Variants in KSR1 observed in about 807,000 individuals in gnomAD.
KSR1 encodes kinase suppressor of ras.
Under a neutral mutation model 92.9 loss-of-function variants are expected in KSR1, and 35 were observed. The observed-to-expected ratio is 0.38, with a 90% CI of 0.29 to 0.50. KSR1 has a LOEUF of 0.50. KSR1 is among the 20% of genes least tolerant of loss of function. KSR1 has a pLI of 0.94. For synonymous variants in KSR1, 467 were observed against 472.6 expected (o/e 0.99, Z 0.15); for missense variants, 972 against 1,158.5 (o/e 0.84, Z 2.34).
chr17:27,526,410 G>A lies in KSR1; in HGVS notation c.232-24158G>A, dbSNP rs2070301092. ...CTTAGGGTGAATTGGGAAAGGGCCG[G>A]TTAAATGAGGAAGCAGGCCATTCCT... On this transcript the variant is annotated intron_variant, in intron 1 of 20. Coordinates refer to ENST00000644974, the MANE Select transcript of KSR1 (RefSeq NM_001394583.1). 11 of 1,527,192 alleles carry A rather than the reference G, an allele frequency of 7.2e-6. No homozygotes were observed. The East Asian group carries it at 2.5e-4, about 34-fold the overall frequency. 94.6% of individuals were successfully genotyped at this position (1,527,192 alleles called of 1,614,324 possible).
At chr17:27,604,640 G>A in intron 12 of KSR1, 40 bp from the exon 13 acceptor site, 1 of 1,599,696 alleles carries the variant, frequency 6.3e-7, no homozygotes, top group South Asian at 1.1e-5. Flanking sequence ...GCAGAGCGGT[G>A]TTCCTCAAGG....
intron 2 of KSR1, among the ~76,000 whole-genome samples, chr17:27,572,409 TGTA>T (rs2072345623): frequency 6.6e-6 from 1 of 152,222 alleles, no homozygotes; most frequent in Admixed American, 6.5e-5. Context: ...GTTTTTGGTT[TGTA>T]GTTCCATATT....
At chr17:27,474,421 C>T (rs2068278292) in intron 1 of KSR1, among the ~76,000 whole-genome samples, 1 of 152,214 alleles carries the variant, frequency 6.6e-6, no homozygotes, top group Non-Finnish European at 1.5e-5. Flanking sequence ...TGAGCAGCAC[C>T]TCATGCTGTG....
At chr17:27,547,033 A>G (rs1229601574) in intron 1 of KSR1, among the ~76,000 whole-genome samples, 2 of 152,040 alleles carry the variant, frequency 1.3e-5, no homozygotes, top group Non-Finnish European at 2.9e-5. Flanking sequence ...TACAGTTGAG[A>G]GTGTGGAATT....
intron 1 of KSR1, among the ~76,000 whole-genome samples, chr17:27,464,547 C>A (rs1047564271): frequency 6.6e-6 from 1 of 151,812 alleles, no homozygotes; most frequent in African/African-American, 2.4e-5. Flanking sequence ...ATAGTGAGAC[C>A]CTGTCTCTAC....
chr17:27,581,419 G>T (rs1183648387), intron 3 of KSR1, among the ~76,000 whole-genome samples: 1 of 151,976 alleles, frequency 6.6e-6, no homozygotes, highest in Non-Finnish European at 1.5e-5. Flanking sequence ...TTCATCCCTT[G>T]CCTCTCCCCA....
intron 11 of KSR1, among the ~76,000 whole-genome samples, chr17:27,603,465 C>A (rs1301685433): frequency 6.6e-6 from 1 of 152,252 alleles, no homozygotes; most frequent in Non-Finnish European, 1.5e-5. Flanking sequence ...CTTTAGCCAG[C>A]CTGTCCAGTA....
intron 9 of KSR1, 27 bp downstream of exon 9, chr17:27,592,653 GC>G: frequency 6.3e-7 from 1 of 1,584,052 alleles, no homozygotes; most frequent in Non-Finnish European, 8.6e-7. Flanking sequence ...TGGGGAGGAC[GC>G]CCTTCTGCCA....
rs533897439 is a variant in KSR1 at position 27,550,548 on chromosome 17, C to T, written c.232-20C>T. On this transcript the variant is annotated intron_variant, in intron 1 of 20. Transcript: ENST00000644974. ...GGGCTGCAGATGAACACAGGCTTTT[C>T]TTTTTTGGACTTTCTGCAGGCGAAG... 4 of 763,552 alleles carry T rather than the reference C, an allele frequency of 5.2e-6. 1 individual carries two copies. The South Asian group carries it at 5.4e-5, about 10-fold the overall frequency. 47.3% of individuals were successfully genotyped at this position (763,552 alleles called of 1,614,324 possible). A position where few individuals can be genotyped will look rare whatever the true frequency, so the allele number is the denominator to read the frequency against.
At chr17:27,545,559 G>A (rs1256345920) in intron 1 of KSR1, among the ~76,000 whole-genome samples, 2 of 152,224 alleles carry the variant, frequency 1.3e-5, no homozygotes, top group Non-Finnish European at 2.9e-5. Context: ...TGTGCTGGGT[G>A]CTGTGCTGGC....
intron 6 of KSR1, 122 bp downstream of exon 6, chr17:27,588,657 C>T: frequency 2.3e-6 from 2 of 866,220 alleles, no homozygotes; most frequent in Non-Finnish European, 1.7e-6. Context: ...GTCCATTTCA[C>T]CTGTGGGACA....
intron 2 of KSR1, among the ~76,000 whole-genome samples, chr17:27,576,630 G>T (rs1191518732): frequency 1.3e-5 from 2 of 152,152 alleles, no homozygotes; most frequent in African/African-American, 4.8e-5. Flanking sequence ...GTGTGGAGAC[G>T]CTGGACAAAG....
intron 2 of KSR1, chr17:27,566,543 C>T (rs1027297109): frequency 2.8e-5 from 11 of 398,994 alleles, no homozygotes; most frequent in Admixed American, 4.4e-5. Flanking sequence ...AAGCCCGAGG[C>T]GTGAGCCCAC....
At chr17:27,570,700 C>T (rs73983474) in intron 2 of KSR1, among the ~76,000 whole-genome samples, 31 of 152,224 alleles carry the variant, frequency 2.0e-4, no homozygotes, top group African/African-American at 5.3e-4. Flanking sequence ...GGGCTGGGCT[C>T]GAGTTCAGTG....
intron 1 of KSR1, among the ~76,000 whole-genome samples, chr17:27,536,585 C>G (rs1016834267): frequency 2.6e-5 from 4 of 152,190 alleles, no homozygotes; most frequent in Non-Finnish European, 5.9e-5. Context: ...TTTTTCCCTT[C>G]GCTTCCCGCC....
chr17:27,563,935 T>C (rs979257964), intron 2 of KSR1, among the ~76,000 whole-genome samples: 4 of 151,884 alleles, frequency 2.6e-5, no homozygotes, highest in Non-Finnish European at 5.9e-5. Context: ...AAGCTTCAAT[T>C]ATGTATTTTA....
chr17:27,603,795 G>A, intron 11 of KSR1, 39 bp from the exon 12 acceptor site: 3 of 1,608,818 alleles, frequency 1.9e-6, no homozygotes, highest in African/African-American at 1.3e-5. Flanking sequence ...GGAGAGGAAA[G>A]CAATCTCATG....
At chr17:27,590,232 C>T (rs1031594827) in intron 6 of KSR1, among the ~76,000 whole-genome samples, 39 of 152,162 alleles carry the variant, frequency 2.6e-4, no homozygotes, top group African/African-American at 7.5e-4. Flanking sequence ...ACTTGAACTT[C>T]GTGTGAATGG....
intron 9 of KSR1, among the ~76,000 whole-genome samples, chr17:27,593,407 A>C (rs543230032): frequency 2.0e-5 from 3 of 152,260 alleles, no homozygotes; most frequent in Non-Finnish European, 4.4e-5. Context: ...AGTGTGTTCT[A>C]CCTGCAGCCC....
Sources: gnomAD v4.1 joint callset for allele counts (sites outside exome capture counted in the v4.1 genomes callset) on GRCh38, gnomAD v4.1.1 for gene constraint, MANE v1.5 for transcripts, NCBI Gene and HGNC (gene_info 2026-07-23, HGNC 2026-07-21) for gene names.